Variants in PLXNA2 observed in about 807,000 individuals in gnomAD.
PLXNA2 encodes plexin A2, also known as plexin-A2.
In PLXNA2, 91 loss-of-function variants were observed where a neutral mutation model predicts 193.5. That is an observed-to-expected ratio of 0.47 (90% confidence interval 0.40 to 0.56). The LOEUF is 0.56. Ranked by LOEUF, PLXNA2 falls within the 20% of genes least tolerant of loss-of-function variation. The pLI, the probability that PLXNA2 is intolerant of heterozygous loss-of-function variation, is 0.00. For synonymous variants in PLXNA2, 997 were observed against 1,027.3 expected (o/e 0.97, Z 0.56); for missense variants, 1,995 against 2,503.2 (o/e 0.80, Z 4.33).
At chr1:208,224,128 C>T (rs992918349) in intron 1 of PLXNA2, among the ~76,000 whole-genome samples, 2 of 152,170 alleles carry the variant, frequency 1.3e-5, no homozygotes, top group Non-Finnish European at 2.9e-5. Context: ...CGTTGGGTAG[C>T]ACAAGGTGAG....
intron 14 of PLXNA2, 101 bp from the exon 15 acceptor site, chr1:208,052,564 G>C: frequency 8.4e-7 from 1 of 1,184,278 alleles, no homozygotes; most frequent in Non-Finnish European, 1.2e-6. Context: ...CATTCTGGGC[G>C]TGGTGGTACT....
At chr1:208,237,130 T>A (rs983642225) in intron 1 of PLXNA2, among the ~76,000 whole-genome samples, 2 of 152,212 alleles carry the variant, frequency 1.3e-5, no homozygotes, top group Non-Finnish European at 2.9e-5. Context: ...TGAGTTGAAA[T>A]CTTCATCCTC....
rs751507906 is a variant in PLXNA2 at position 208,216,926 on chromosome 1, C to T, written c.997G>A (p.Asp333Asn). 29 of 1,614,080 alleles carry T rather than the reference C, an allele frequency of 1.8e-5. No homozygotes were observed. Among genetic ancestry groups the T allele is most frequent in the South Asian group, 1.6e-4 (15 of 91,086 alleles). ...AQAFNITSQD[D>N]VLFAIFSKGQ... is the part of the protein sequence containing the mutation. ...TTGGAGAAGATGGCAAAGAGTACAT[C>T]GTCCTGGCTGGTGATATTGAAGGCC... The change falls in exon 2 of 32, where the codon GAT becomes AAT. Residue 333 changes from aspartate to asparagine, a missense_variant. By Grantham distance (23) the Asp-to-Asn change is conservative. Coordinates refer to ENST00000367033, the MANE Select transcript of PLXNA2 (RefSeq NM_025179.4).
At chr1:208,031,132 G>A (rs1487406500) in intron 29 of PLXNA2, 24 of 998,820 alleles carry the variant, frequency 2.4e-5, no homozygotes, top group Admixed American at 5.2e-5. Flanking sequence ...CAACTTCACC[G>A]GGCGTCTCAG....
At chr1:208,195,026 G>A (rs998744321) in intron 3 of PLXNA2, among the ~76,000 whole-genome samples, 13 of 152,228 alleles carry the variant, frequency 8.5e-5, no homozygotes, top group African/African-American at 2.9e-4. Context: ...GGTAAGACTC[G>A]AGCTTGACAA....
intron 1 of PLXNA2, among the ~76,000 whole-genome samples, chr1:208,223,371 G>T (rs1671407835): frequency 6.6e-6 from 1 of 152,154 alleles, no homozygotes; most frequent in South Asian, 2.1e-4. Flanking sequence ...TTCCTCCATT[G>T]TAGGTGGAAG....
At chr1:208,124,204 C>A (rs932451379) in intron 4 of PLXNA2, among the ~76,000 whole-genome samples, 1 of 152,090 alleles carries the variant, frequency 6.6e-6, no homozygotes, top group Admixed American at 6.6e-5. Flanking sequence ...ACAACAGACA[C>A]TGGGGCCTAC....
At chr1:208,049,850 A>G (rs1665198695) in intron 17 of PLXNA2, among the ~76,000 whole-genome samples, 1 of 152,174 alleles carries the variant, frequency 6.6e-6, no homozygotes, top group African/African-American at 2.4e-5. Context: ...AAGAGGGGAG[A>G]CATAACACCA....
rs772254461 is a variant in PLXNA2, at chr1:208,052,401, G to C, written c.2919C>G (p.Thr973=). ...CAGCCCCAAGGTAATGGCCGGTAAT[G>C]GTCACCATAGTGCCTCCTGACTCGG... is the stretch of plus-strand genomic sequence containing the variant. ...RGPESGGTMV[T]ITGHYLGAGS... is the part of the protein sequence containing the mutation. The change falls in exon 15 of 32, where the codon ACC becomes ACG. Residue 973 remains threonine (T), a synonymous_variant. Transcript: ENST00000367033. 6.2e-7 allele frequency: 1 copy of C among 1,614,020 alleles called. No individual in the cohort carries two copies. The highest frequency in any genetic ancestry group is 1.3e-5 in the African/African-American group (1 of 75,044).
chr1:208,074,680 GATC>G (rs963140112), intron 12 of PLXNA2, among the ~76,000 whole-genome samples: 1 of 152,154 alleles, frequency 6.6e-6, no homozygotes, highest in African/African-American at 2.4e-5. Context: ...ACTCCTTTGA[GATC>G]ATCTCATTTA....
At chr1:208,029,566 G>T in intron 29 of PLXNA2, 1 of 990,918 alleles carries the variant, frequency 1.0e-6, no homozygotes, top group Non-Finnish European at 1.2e-6. Flanking sequence ...TGGCTGGGCC[G>T]AGGAATGGGC....
rs541794005 is a variant in PLXNA2 at position 208,164,787 on chromosome 1, A to C, written c.1372-22324T>G. Among the ~76,000 whole-genome samples, 23 of 152,242 alleles carry C rather than the reference A, an allele frequency of 1.5e-4. No individual in the cohort carries two copies. The East Asian group carries it at 4.4e-3, about 29-fold the overall frequency. On this transcript the variant is annotated intron_variant, in intron 3 of 31. Coordinates refer to ENST00000367033, the MANE Select transcript of PLXNA2 (RefSeq NM_025179.4). ...GCGGCTCCCTGGGGGCAGAGGAGGGAGCTCCTGAGGAAGTACTTAGCAGGC... is the reference window on the plus strand; with the variant it reads ...GCGGCTCCCTGGGGGCAGAGGAGGGCGCTCCTGAGGAAGTACTTAGCAGGC...
intron 26 of PLXNA2, 24 bp from the exon 27 acceptor site, chr1:208,034,616 G>A (rs560853799): frequency 1.4e-6 from 2 of 1,454,356 alleles, no homozygotes; most frequent in Admixed American, 1.7e-5. Context: ...AAAAGGTACA[G>A]TACAAAAGGT....
chr1:208,079,632 A>G (rs972689255), intron 11 of PLXNA2, among the ~76,000 whole-genome samples, 182 bp from the exon 12 acceptor site: 2 of 152,222 alleles, frequency 1.3e-5, no homozygotes, highest in African/African-American at 4.8e-5. Flanking sequence ...CCAGTCACTT[A>G]AGGGCACTAG....
At chr1:208,030,250 A>T in intron 29 of PLXNA2, 1 of 985,444 alleles carries the variant, frequency 1.0e-6, no homozygotes, top group Non-Finnish European at 1.2e-6. Flanking sequence ...CTTTCCCTGG[A>T]CATTTGCTAT....
Position 208,217,025 on chromosome 1 carries a change from A to T in PLXNA2, c.898T>A (p.Cys300Ser), listed in dbSNP as rs1358599723. The T allele has an allele frequency of 6.2e-7, 1 of 1,611,920 alleles. No individual in the cohort carries two copies. The highest frequency in any genetic ancestry group is 1.1e-5 in the South Asian group (1 of 90,984). Residue 300 changes from cysteine (C) to serine (S), a missense_variant, in exon 2 of 32, where the codon TGC (cysteine) becomes AGC (serine). By Grantham distance (112) the Cys-to-Ser change is moderately radical (BLOSUM62 -1). Transcript: ENST00000367033. This position sits in a 1 kb window ranked among gnomAD's most constrained non-coding sequence, Gnocchi z 4.7. The stretch of plus-strand genomic sequence containing the variant: ...CGGTATTCCACCCCGGCCCGGGTGC[A>T]GCCGAAGGGCAGGGACACGTATGAG... ...FHSYVSLPFG[C>S]TRAGVEYRLL...
intron 1 of PLXNA2, among the ~76,000 whole-genome samples, chr1:208,221,381 GTTTTTTTTTTTTTTT>G (rs33915614): frequency 3.1e-4 from 18 of 58,080 alleles, no homozygotes; most frequent in Admixed American, 8.0e-4. Flanking sequence ...TTCTTTTTCT[GTTTTTTTTTTTTTTT>G]TTTTTTTTTT....
intron 3 of PLXNA2, among the ~76,000 whole-genome samples, chr1:208,155,161 G>A (rs1427529944): frequency 6.6e-6 from 1 of 152,172 alleles, no homozygotes; most frequent in African/African-American, 2.4e-5. Context: ...GGCCGTTCCA[G>A]CCTGCTTTTG....
chr1:208,026,122 G>T lies in PLXNA2; in HGVS notation c.*1121C>A, dbSNP rs1415407139. The T allele has an allele frequency of 1.3e-5, 2 of 152,644 alleles. No homozygotes were observed. Among genetic ancestry groups the T allele is most frequent in the African/African-American group, 2.4e-5 (1 of 41,472 alleles). 9.5% of individuals were successfully genotyped at this position (152,644 alleles called of 1,614,324 possible). A position where few individuals can be genotyped will look rare whatever the true frequency, so the allele number is the denominator to read the frequency against. ...TCTTTTTAATTGCCAGGGACCACTG[G>T]ATGATTGGAGTGAACTCCAAAGTCA... On this transcript the variant is annotated 3_prime_UTR_variant, in exon 32 of 32. Coordinates refer to ENST00000367033, the MANE Select transcript of PLXNA2 (RefSeq NM_025179.4).
Sources: gnomAD v4.1 joint callset for allele counts (sites outside exome capture counted in the v4.1 genomes callset) on GRCh38, gnomAD v4.1.1 for gene constraint, Gnocchi (gnomAD v3.1) non-coding constraint, MANE v1.5 for transcripts, NCBI Gene and HGNC (gene_info 2026-07-23, HGNC 2026-07-21) for gene names.